The following NPAP1 variants were observed in gnomAD, a reference collection of about 807,000 sequenced individuals.
NPAP1 encodes nuclear pore associated protein 1.
For missense variants in NPAP1, 1,483 were observed against 1,454.5 expected, an observed-to-expected ratio of 1.02 and a Z score of -0.32; for synonymous variants, 616 against 581.4, an observed-to-expected ratio of 1.06 and a Z score of -0.86.
Position 24,679,068 on chromosome 15 carries a change from T to C in NPAP1, c.3201T>C (p.Ala1067=), listed in dbSNP as rs2048999835. The stretch of plus-strand genomic sequence containing the variant: ...GGGACCCAACTGGCCACAGCATGGC[T>C]GCTGCACCACAAGGGGCTAGCAACA... ...AAWDPTGHSM[A]AAPQGASNIP... Residue 1067 remains alanine (A), a synonymous_variant, in exon 1 of 1, where the codon GCT becomes GCC. Transcript: ENST00000329468. 3.1e-6 allele frequency: 5 copies of C among 1,614,102 alleles called. No homozygotes were observed. The highest frequency in any genetic ancestry group is 3.4e-6 in the Non-Finnish European group (4 of 1,180,048).
In NPAP1 at chr15:24,677,134, C is replaced by A. The variant is rs2141309670; in HGVS notation, c.1267C>A (p.Pro423Thr). 1 of 1,614,138 alleles carries A rather than the reference C, an allele frequency of 6.2e-7. No individual in the cohort carries two copies. The highest frequency in any genetic ancestry group is 8.5e-7 in the Non-Finnish European group (1 of 1,180,032). Residue 423 changes from proline to threonine, a missense_variant, in exon 1 of 1, where the codon CCT (proline) becomes ACT (threonine). Pro to Thr is a conservative substitution (Grantham distance 38). Transcript: ENST00000329468. Reference protein sequence around the residue: ...LTTYTSQVSAPLPIPDLADLA... With the variant: ...LTTYTSQVSATLPIPDLADLA... ...CACTTACACTTCCCAGGTCTCAGCTCCTTTGCCCATCCCTGACTTGGCTGA... is the reference window on the plus strand; with the variant it reads ...CACTTACACTTCCCAGGTCTCAGCTACTTTGCCCATCCCTGACTTGGCTGA...
rs1280194096 is a variant in NPAP1 at position 24,680,579 on chromosome 15, A to T, written c.*1241A>T. On this transcript the variant is annotated 3_prime_UTR_variant, in exon 1 of 1. Coordinates refer to ENST00000329468, the MANE Select transcript of NPAP1 (RefSeq NM_018958.3). ...CTACAGAAGCTGGAGGCCCAAAACCACAGACAGAGAGAGAGAGAGTGTGTG... is the reference window on the plus strand; with the variant it reads ...CTACAGAAGCTGGAGGCCCAAAACCTCAGACAGAGAGAGAGAGAGTGTGTG... 6.0e-6 allele frequency: 1 copy of T among 166,534 alleles called. No individual in the cohort carries two copies. The highest frequency in any genetic ancestry group is 1.5e-5 in the Non-Finnish European group (1 of 68,146). 10.3% of individuals were successfully genotyped at this position (166,534 alleles called of 1,614,324 possible).
At position 24,676,857 on chromosome 15, in the gene NPAP1, G is replaced by C. The variant is rs768538805; in HGVS notation, c.990G>C (p.Met330Ile). The C allele has an allele frequency of 2.5e-6, 4 of 1,613,212 alleles. No individual in the cohort carries two copies. In the East Asian group the frequency reaches 8.9e-5, roughly 36 times the overall value. Residue 330 changes from methionine (M) to isoleucine (I), a missense_variant, in exon 1 of 1, where the codon ATG (methionine) becomes ATC (isoleucine). By Grantham distance (10) the Met-to-Ile change is conservative. Coordinates refer to ENST00000329468, the MANE Select transcript of NPAP1 (RefSeq NM_018958.3). ...AARNRPCKRKMSIPLLLPLPP... is the reference protein window; with the variant it reads ...AARNRPCKRKISIPLLLPLPP... ...GCAACAGGCCCTGCAAAAGGAAAAT[G>C]TCGATTCCATTGCTGCTGCCGCTGC...
In NPAP1 at chr15:24,677,692, G is replaced by A. The variant is rs1471787506; in HGVS notation, c.1825G>A (p.Ala609Thr). The change falls in exon 1 of 1, where the codon GCA (alanine) becomes ACA (threonine). Residue 609 changes from alanine to threonine, a missense_variant. Coordinates refer to ENST00000329468, the MANE Select transcript of NPAP1 (RefSeq NM_018958.3). ...CCCAAATTCCCAAATACATTGCAGT[G>A]CAGAGCAGAGGCACCCGGGAAAGAC... is the stretch of plus-strand genomic sequence containing the variant. The part of the protein sequence containing the change: ...SLPNSQIHCS[A>T]EQRHPGKTSV... 1 of 1,614,178 alleles carries A rather than the reference G, an allele frequency of 6.2e-7. No homozygotes were observed. The highest frequency in any genetic ancestry group is 2.2e-5 in the East Asian group (1 of 44,882).
rs750014663 is a variant in NPAP1 at position 24,676,014 on chromosome 15, C to T, written c.147C>T (p.Gly49=). The change falls in exon 1 of 1, where the codon GGC becomes GGT. Residue 49 remains glycine (G), a synonymous_variant. Coordinates refer to ENST00000329468, the MANE Select transcript of NPAP1 (RefSeq NM_018958.3). The part of the protein sequence containing the change: ...HSVPTPRPFR[G]LFRRNARRRP... ...TACCCACCCCGCGCCCTTTCCGCGG[C>T]CTGTTCCGCCGGAACGCCCGTCGCA... 12 of 1,598,898 alleles carry T rather than the reference C, an allele frequency of 7.5e-6. No homozygotes were observed. The Admixed American group carries it at 1.2e-4, about 16-fold the overall frequency.
chr15:24,675,823 C>G lies in NPAP1; in HGVS notation c.-45C>G, dbSNP rs2048970767. 7.5e-7 allele frequency: 1 copy of G among 1,340,688 alleles called. No individual in the cohort carries two copies. Among genetic ancestry groups the G allele is most frequent in the South Asian group, 1.5e-5 (1 of 65,934 alleles). The allele number at this position is 1,340,688 out of a possible 1,614,324, so 83.0% of individuals were successfully genotyped here. A position where few individuals can be genotyped will look rare whatever the true frequency, so the allele number is the denominator to read the frequency against. On this transcript the variant is annotated 5_prime_UTR_variant, in exon 1 of 1. Transcript: ENST00000329468. ...AGGCGGTGGCTGAGGAGAGTTGAGT[C>G]CACTGCTGACCCTGTTTTACGGTAG...
rs911053041 is a variant in NPAP1, at chr15:24,683,114, T to C, written c.*3776T>C. 12 of 189,482 alleles carry C rather than the reference T, an allele frequency of 6.3e-5. No individual in the cohort carries two copies. The highest frequency in any genetic ancestry group is 1.2e-4 in the Non-Finnish European group (11 of 93,902). 11.7% of individuals were successfully genotyped at this position (189,482 alleles called of 1,614,324 possible). ...GGTCATAGCCTGTTCCTCTTCCTTA[T>C]TTAGAAGTGTTTTTACCTTTCTCAG... On this transcript the variant is annotated 3_prime_UTR_variant, in exon 1 of 1. Coordinates refer to ENST00000329468, the MANE Select transcript of NPAP1 (RefSeq NM_018958.3).
rs745650476 is a variant in NPAP1, at chr15:24,676,311, G to A, written c.444G>A (p.Glu148=). The change falls in exon 1 of 1, where the codon GAG becomes GAA. Residue 148 remains glutamate (E), a synonymous_variant. Transcript: ENST00000329468. ...RKPIPATLLE[E]TEVWAQEGPR... ...CCATCCCAGCCACTCTCCTGGAGGA[G>A]ACCGAGGTGTGGGCCCAAGAAGGGC... The A allele has an allele frequency of 6.6e-7, 1 of 1,524,124 alleles. No individual in the cohort carries two copies. The highest frequency in any genetic ancestry group is 8.8e-7 in the Non-Finnish European group (1 of 1,138,836). 94.4% of individuals were successfully genotyped at this position (1,524,124 alleles called of 1,614,324 possible).
chr15:24,676,832 G>A lies in NPAP1; in HGVS notation c.965G>A (p.Arg322His), dbSNP rs751917297. 9.3e-6 allele frequency: 15 copies of A among 1,612,858 alleles called. No homozygotes were observed. The highest frequency in any genetic ancestry group is 5.5e-5 in the South Asian group (5 of 91,078). Reference sequence around the variant, plus strand: ...AGCGCTGCTCCTCCCAGAGCTGCCCGCAACAGGCCCTGCAAAAGGAAAATG... The same window carrying A: ...AGCGCTGCTCCTCCCAGAGCTGCCCACAACAGGCCCTGCAAAAGGAAAATG... ...PRSAAPPRAA[R>H]NRPCKRKMSI... Residue 322 changes from arginine to histidine, a missense_variant, in exon 1 of 1, where the codon CGC (arginine) becomes CAC (histidine). Coordinates refer to ENST00000329468, the MANE Select transcript of NPAP1 (RefSeq NM_018958.3).
rs1203799981 is a variant in NPAP1 at position 24,678,421 on chromosome 15, A to T, written c.2554A>T (p.Met852Leu). Reference sequence around the variant, plus strand: ...GAAGGAGGAGTACATCCGATTTTATATGGGGCTTCCTGGTTCTGGGAACAC... The same window carrying T: ...GAAGGAGGAGTACATCCGATTTTATTTGGGGCTTCCTGGTTCTGGGAACAC... ...SRKEEYIRFY[M>L]GLPGSGNTLH... The change falls in exon 1 of 1, where the codon ATG (methionine) becomes TTG (leucine). Residue 852 changes from methionine (M) to leucine (L), a missense_variant. By Grantham distance (15) the Met-to-Leu change is conservative. Transcript: ENST00000329468. The T allele has an allele frequency of 6.2e-6, 10 of 1,609,706 alleles. No homozygotes were observed. The highest frequency in any genetic ancestry group is 6.8e-6 in the Non-Finnish European group (8 of 1,178,730).
chr15:24,676,042 C>A lies in NPAP1; in HGVS notation c.175C>A (p.Pro59Thr), dbSNP rs746024666. 4 of 1,592,686 alleles carry A rather than the reference C, an allele frequency of 2.5e-6. No individual in the cohort carries two copies. The Admixed American group carries it at 5.2e-5, about 21-fold the overall frequency. The change falls in exon 1 of 1, where the codon CCT (proline) becomes ACT (threonine). Residue 59 changes from proline to threonine, a missense_variant. Physicochemically the swap from Pro to Thr is conservative, Grantham distance 38. Coordinates refer to ENST00000329468, the MANE Select transcript of NPAP1 (RefSeq NM_018958.3). ...GTTCCGCCGGAACGCCCGTCGCAGGCCTTCAGCAGCCAGCATCTTCGTCGC... is the reference window on the plus strand; with the variant it reads ...GTTCCGCCGGAACGCCCGTCGCAGGACTTCAGCAGCCAGCATCTTCGTCGC... ...GLFRRNARRR[P>T]SAASIFVAPK...
rs2048986380 is a variant in NPAP1 at position 24,677,669 on chromosome 15, C to A, written c.1802C>A (p.Pro601Gln). Residue 601 changes from proline to glutamine, a missense_variant, in exon 1 of 1, where the codon CCA becomes CAA. Pro to Gln is a moderately conservative substitution (Grantham distance 76). Transcript: ENST00000329468. Reference sequence around the variant, plus strand: ...CTAAGCTCCAGAGTGAGCTCTCTCCCAAATTCCCAAATACATTGCAGTGCA... The same window carrying A: ...CTAAGCTCCAGAGTGAGCTCTCTCCAAAATTCCCAAATACATTGCAGTGCA... Reference protein sequence around the residue: ...SSLSSRVSSLPNSQIHCSAEQ... With the variant: ...SSLSSRVSSLQNSQIHCSAEQ... 2 of 1,614,194 alleles carry A rather than the reference C, an allele frequency of 1.2e-6. No homozygotes were observed. The highest frequency in any genetic ancestry group is 1.7e-6 in the Non-Finnish European group (2 of 1,180,046).
In NPAP1 at chr15:24,679,446, G is replaced by T; in HGVS notation, c.*108G>T. On this transcript the variant is annotated 3_prime_UTR_variant, in exon 1 of 1. Coordinates refer to ENST00000329468, the MANE Select transcript of NPAP1 (RefSeq NM_018958.3). ...AGTTTCATCTTCATGCCAAGCACCT[G>T]CCATGTACCTCTCCAGAACTCAGGT... 4 of 823,976 alleles carry T rather than the reference G, an allele frequency of 4.9e-6. No homozygotes were observed. The South Asian group carries it at 6.8e-5, about 14-fold the overall frequency. 51.0% of individuals were successfully genotyped at this position (823,976 alleles called of 1,614,324 possible). A position where few individuals can be genotyped will look rare whatever the true frequency, so the allele number is the denominator to read the frequency against.
At position 24,680,608 on chromosome 15, in the gene NPAP1, TTG is replaced by T. The variant is rs66548326; in HGVS notation, c.*1288_*1289del. 310 of 162,412 alleles carry T rather than the reference TTG, an allele frequency of 1.9e-3. No homozygotes were observed. Among genetic ancestry groups the T allele is most frequent in the Middle Eastern group, 3.4e-3 (1 of 294 alleles). 10.1% of individuals were successfully genotyped at this position (162,412 alleles called of 1,614,324 possible). On this transcript the variant is annotated 3_prime_UTR_variant, in exon 1 of 1. Transcript: ENST00000329468. ...ACAGAGAGAGAGAGAGTGTGTGTGT[TTG>T]TGTGTGTGTGTGTGTGTTTATTGGT...
rs1049542229 is a variant in NPAP1 at position 24,678,241 on chromosome 15, T to G, written c.2374T>G (p.Phe792Val). The change falls in exon 1 of 1, where the codon TTC becomes GTC. Residue 792 changes from phenylalanine to valine, a missense_variant. Physicochemically the swap from Phe to Val is conservative, Grantham distance 50 (BLOSUM62 -1). Coordinates refer to ENST00000329468, the MANE Select transcript of NPAP1 (RefSeq NM_018958.3). ...AACCTCTCTCCCCAGTGCCCATGATTTCCTGAGCCTTCCTATCATGGTTCC... is the reference window on the plus strand; with the variant it reads ...AACCTCTCTCCCCAGTGCCCATGATGTCCTGAGCCTTCCTATCATGGTTCC... ...QKTSLPSAHD[F>V]LSLPIMVPPD... is the part of the protein sequence containing the mutation. The G allele has an allele frequency of 1.2e-6, 2 of 1,613,488 alleles. No homozygotes were observed. Among genetic ancestry groups the G allele is most frequent in the Non-Finnish European group, 1.7e-6 (2 of 1,179,764 alleles).
In NPAP1 at chr15:24,679,263, A is replaced by C. The variant is rs376448906; in HGVS notation, c.3396A>C (p.Lys1132Asn). ...CILQHTWTER[K>N]FYTSSTHYYG... ...TGCAGCACACATGGACAGAGAGAAA[A>C]TTCTACACTTCAAGCACCCACTACT... Residue 1132 changes from lysine (K) to asparagine (N), a missense_variant, in exon 1 of 1, where the codon AAA (lysine) becomes AAC (asparagine). By Grantham distance (94) the Lys-to-Asn change is moderately conservative. Coordinates refer to ENST00000329468, the MANE Select transcript of NPAP1 (RefSeq NM_018958.3). 2.8e-5 allele frequency: 45 copies of C among 1,613,840 alleles called. No homozygotes were observed. Among genetic ancestry groups the C allele is most frequent in the Non-Finnish European group, 3.7e-5 (44 of 1,180,030 alleles).
rs764240268 is a variant in NPAP1, at chr15:24,677,356, C to A, written c.1489C>A (p.Pro497Thr). 8.1e-6 allele frequency: 13 copies of A among 1,613,740 alleles called. No individual in the cohort carries two copies. The highest frequency in any genetic ancestry group is 1.0e-5 in the Non-Finnish European group (12 of 1,179,946). Residue 497 changes from proline to threonine, a missense_variant, in exon 1 of 1, where the codon CCC (proline) becomes ACC (threonine). Physicochemically the swap from Pro to Thr is conservative, Grantham distance 38 (BLOSUM62 -1). Transcript: ENST00000329468. ...VVGAAPLTSD[P>T]PTPPSSTPSF... ...AGGAGCAGCGCCTCTCACTTCTGAC[C>A]CCCCAACACCTCCTAGCTCCACACC...
At position 24,676,427 on chromosome 15, in the gene NPAP1, C is replaced by T. The variant is rs2141307993; in HGVS notation, c.560C>T (p.Ser187Phe). ...RTPLSSGEASSTSRSQGTQGD... is the reference protein window; with the variant it reads ...RTPLSSGEASFTSRSQGTQGD... ...CCCCTTAGCAGCGGAGAAGCATCGT[C>T]CACATCCAGGTCCCAGGGCACCCAG... Residue 187 changes from serine to phenylalanine, a missense_variant, in exon 1 of 1, where the codon TCC becomes TTC. Physicochemically the swap from Ser to Phe is radical, Grantham distance 155. Transcript: ENST00000329468. 1 of 1,610,260 alleles carries T rather than the reference C, an allele frequency of 6.2e-7. No individual in the cohort carries two copies. The highest frequency in any genetic ancestry group is 1.1e-5 in the South Asian group (1 of 90,562).
chr15:24,679,584 T>C lies in NPAP1; in HGVS notation c.*246T>C, dbSNP rs1216516723. ...CATCTGCAGTGAATGGCAACATATC[T>C]TTAATTAGAGGCCCTTGTGTATCCA... is the stretch of plus-strand genomic sequence containing the variant. On this transcript the variant is annotated 3_prime_UTR_variant, in exon 1 of 1. Coordinates refer to ENST00000329468, the MANE Select transcript of NPAP1 (RefSeq NM_018958.3). The C allele has an allele frequency of 2.0e-6, 1 of 500,370 alleles. No individual in the cohort carries two copies. Among genetic ancestry groups the C allele is most frequent in the East Asian group, 3.5e-5 (1 of 28,276 alleles). 31.0% of individuals were successfully genotyped at this position (500,370 alleles called of 1,614,324 possible).
Sources: gnomAD v4.1 joint callset for allele counts on GRCh38, gnomAD v4.1.1 for gene constraint, MANE v1.5 for transcripts, NCBI Gene and HGNC (gene_info 2026-07-23, HGNC 2026-07-21) for gene names.